SSBP1: variants seen among roughly 807,000 people sequenced by gnomAD.
SSBP1 encodes the protein single-stranded DNA-binding protein, mitochondrial.
In SSBP1, 20 loss-of-function variants were observed where a neutral mutation model predicts 27.0. The ratio of observed to expected loss-of-function variants is 0.74; its 90% confidence interval spans 0.52 to 1.08. The LOEUF (loss-of-function observed/expected upper bound fraction) is 1.08, where lower values mean the gene tolerates loss of function less well. Ranked by LOEUF, SSBP1 falls within the 50% of genes least tolerant of loss-of-function variation. The pLI is 0.00. For synonymous variants in SSBP1, 59 were observed against 59.3 expected (o/e 1.00, Z 0.02); for missense variants, 137 against 182.4 (o/e 0.75, Z 1.44).
chr7:141,743,094 C>T (rs533619103), intron 3 of SSBP1, among the ~76,000 whole-genome samples: 16 of 152,190 alleles, frequency 1.1e-4, no homozygotes, highest in Non-Finnish European at 2.2e-4. Context: ...ACCTTGTGAT[C>T]CGCCCGCCTT....
chr7:141,747,115 A>G (rs12537498), intron 6 of SSBP1, among the ~76,000 whole-genome samples: 63,842 of 152,070 alleles, frequency 0.42, 14,409 homozygotes, highest in East Asian at 0.69. Flanking sequence ...TTGACTTATC[A>G]TTAAAGTTGT....
chr7:141,743,631 T>C lies in SSBP1; in HGVS notation c.156T>C (p.Asn52=). 1.2e-6 allele frequency: 2 copies of C among 1,614,052 alleles called. No homozygotes were observed. The highest frequency in any genetic ancestry group is 1.3e-5 in the African/African-American group (1 of 74,996). The change falls in exon 4 of 7, where the codon AAT becomes AAC. Residue 52 remains asparagine, a synonymous_variant. Transcript: ENST00000265304. Reference sequence around the variant, plus strand: ...TCTTGAGACAGGTGGAAGGAAAAAATCCAGTCACAATATTTTCTCTAGCAA... The same window carrying C: ...TCTTGAGACAGGTGGAAGGAAAAAACCCAGTCACAATATTTTCTCTAGCAA... ...DPVLRQVEGK[N]PVTIFSLATN... is the part of the protein sequence containing the mutation.
rs1320451586 is a variant in SSBP1, at chr7:141,747,383, ATT to A, written c.403+1822_403+1823del. Among the ~76,000 whole-genome samples, 176 of 94,462 alleles carry A rather than the reference ATT, an allele frequency of 1.9e-3. 1 individual carries two copies. The highest frequency in any genetic ancestry group is 0.011 in the East Asian group (33 of 2,956). The allele number at this position is 94,462 out of a possible 152,430, so 62.0% of individuals were successfully genotyped here. A position where few individuals can be genotyped will look rare whatever the true frequency, so the allele number is the denominator to read the frequency against. ...AACTTCTGAGATATGCCCAAATTAG[ATT>A]TTTTTTTTTTTTTTTTTTTTTTGAG... On this transcript the variant is annotated intron_variant, in intron 6 of 6. Coordinates refer to ENST00000265304, the MANE Select transcript of SSBP1 (RefSeq NM_003143.3).
rs1193915109 is a variant in SSBP1 at position 141,747,476 on chromosome 7, G to A, written c.403+1892G>A. ...ACGATCCTGGCTCACTGCAACCTTC[G>A]CCTCCCGGGTTCAAGCGATTCTCCT... On this transcript the variant is annotated intron_variant, in intron 6 of 6. Coordinates refer to ENST00000265304, the MANE Select transcript of SSBP1 (RefSeq NM_003143.3). 4.3e-5 allele frequency among the ~76,000 whole-genome samples: 6 copies of A among 140,144 alleles called. No homozygotes were observed. The East Asian group carries it at 1.3e-3, about 31-fold the overall frequency. 91.9% of individuals were successfully genotyped at this position (140,144 alleles called of 152,430 possible).
chr7:141,739,093 G>GT, intron 1 of SSBP1, 31 bp from the exon 2 acceptor site: 4 of 1,380,886 alleles, frequency 2.9e-6, no homozygotes, highest in South Asian at 1.3e-5. Context: ...AAGAGGTAAT[G>GT]TTTTTTTCTT....
At chr7:141,746,726 C>T (rs910492177) in intron 6 of SSBP1, among the ~76,000 whole-genome samples, 3 of 152,142 alleles carry the variant, frequency 2.0e-5, no homozygotes, top group Admixed American at 2.0e-4. Flanking sequence ...GAAGATATCC[C>T]TTAGGAAAGA....
At chr7:141,740,844 G>A (rs952393659) in intron 2 of SSBP1, 3 of 152,164 alleles carry the variant, frequency 2.0e-5, no homozygotes, top group Non-Finnish European at 4.4e-5. Flanking sequence ...GCCTTGTGAA[G>A]TAGGTATTAT....
At chr7:141,748,852 A>G (rs1799873327) in intron 6 of SSBP1, among the ~76,000 whole-genome samples, 1 of 152,150 alleles carries the variant, frequency 6.6e-6, no homozygotes, top group Non-Finnish European at 1.5e-5. Context: ...CCACCAGTGG[A>G]TGGCACTCTT....
chr7:141,741,550 A>G (rs956220655), intron 2 of SSBP1: 2 of 152,270 alleles, frequency 1.3e-5, no homozygotes, highest in Admixed American at 6.5e-5. Flanking sequence ...TATTAATTAT[A>G]AAGCATCTCT....
intron 6 of SSBP1, 55 bp downstream of exon 6, chr7:141,745,639 A>G: frequency 6.2e-7 from 1 of 1,605,108 alleles, no homozygotes; most frequent in Non-Finnish European, 8.5e-7. Flanking sequence ...TCTTTTTTAA[A>G]AGCTTGGCTA....
chr7:141,743,675 C>G lies in SSBP1; in HGVS notation c.200C>G (p.Ser67Ter). The G allele has an allele frequency of 6.2e-7, 1 of 1,614,130 alleles. No homozygotes were observed. Among genetic ancestry groups the G allele is most frequent in the Middle Eastern group, 1.6e-4 (1 of 6,062 alleles). The change falls in exon 4 of 7, where the codon TCA (serine) becomes TGA (stop). Residue 67 changes from serine to a stop codon, truncating the protein, a stop_gained. Coordinates refer to ENST00000265304, the MANE Select transcript of SSBP1 (RefSeq NM_003143.3). LOFTEE classifies it high-confidence loss of function. Reference protein sequence around the residue: ...FSLATNEMWRSGDSEVYQLGD... With the variant: ...FSLATNEMWR ...CTAGCAACTAATGAGATGTGGCGAT[C>G]AGGGGATAGTGAAGTTTACCAACTG...
At chr7:141,746,024 A>G (rs1043543117) in intron 6 of SSBP1, 2 of 971,028 alleles carry the variant, frequency 2.1e-6, no homozygotes, top group Non-Finnish European at 2.5e-6. Context: ...AGATTTTTTT[A>G]ATTTTATTTT....
intron 6 of SSBP1, among the ~76,000 whole-genome samples, chr7:141,746,788 C>T (rs1056886558): frequency 2.0e-5 from 3 of 152,162 alleles, no homozygotes; most frequent in Admixed American, 6.5e-5. Context: ...ATATACCCCT[C>T]TGGATGTCTG....
At chr7:141,738,761 A>C (rs574068167) in intron 1 of SSBP1, 1 of 164,728 alleles carries the variant, frequency 6.1e-6, no homozygotes, top group African/African-American at 2.4e-5. Flanking sequence ...TGCATTAAGA[A>C]CTTTTTTAGA....
chr7:141,739,130 C>A lies in SSBP1; in HGVS notation c.-37C>A. On this transcript the variant is annotated 5_prime_UTR_variant, in exon 2 of 7. Transcript: ENST00000265304. ...TTTTGTTTTTTTCCTTCAGGAAAAG[C>A]CTAAAGATTAGACTGTAAGAAAAGA... The A allele has an allele frequency of 1.3e-6, 2 of 1,563,606 alleles. No individual in the cohort carries two copies. The highest frequency in any genetic ancestry group is 1.2e-5 in the South Asian group (1 of 81,834).
chr7:141,745,413 CAT>C, intron 5 of SSBP1, 81 bp from the exon 6 acceptor site: 3 of 1,158,296 alleles, frequency 2.6e-6, no homozygotes, highest in Non-Finnish European at 3.6e-6. Context: ...TCATCCTTGT[CAT>C]ATACTCAGTA....
At position 141,738,972 on chromosome 7, in the gene SSBP1, A is replaced by C. The variant is rs1799396986; in HGVS notation, c.-43-152A>C. On this transcript the variant is annotated intron_variant, in intron 1 of 6. Coordinates refer to ENST00000265304, the MANE Select transcript of SSBP1 (RefSeq NM_003143.3). The stretch of plus-strand genomic sequence containing the variant: ...GAGTTTATTTGGGAGGGAGGAAGGA[A>C]TCCTCATCAGATGTGCAGGAATGTT... 3.1e-5 allele frequency: 14 copies of C among 454,524 alleles called. 2 individuals carry two copies. In the South Asian group the frequency reaches 5.6e-4, roughly 18 times the overall value. The allele number at this position is 454,524 out of a possible 1,614,324, so 28.2% of individuals were successfully genotyped here.
At chr7:141,749,729 C>G (rs1563031132) in intron 6 of SSBP1, among the ~76,000 whole-genome samples, 1 of 152,178 alleles carries the variant, frequency 6.6e-6, no homozygotes, top group Non-Finnish European at 1.5e-5. Flanking sequence ...TTGCAGTAAG[C>G]TGAGATTGCA....
intron 6 of SSBP1, among the ~76,000 whole-genome samples, chr7:141,748,480 T>C (rs1311393064): frequency 6.6e-6 from 1 of 152,216 alleles, no homozygotes; most frequent in Non-Finnish European, 1.5e-5. Flanking sequence ...AATGCTCACA[T>C]GGTTTCTTAC....
Sources: allele counts gnomAD v4.1 joint callset (sites outside exome capture counted in the v4.1 genomes callset), GRCh38; gene constraint gnomAD v4.1.1; transcripts MANE v1.5; gene names NCBI Gene and HGNC (gene_info 2026-07-23, HGNC 2026-07-21).